The following SLC12A8 variants were observed in gnomAD, a reference collection of about 807,000 sequenced individuals.
The protein encoded by SLC12A8 is cation-chloride cotransporter 9.
Under a neutral mutation model 75.6 loss-of-function variants are expected in SLC12A8, and 69 were observed. The observed-to-expected ratio is 0.91, with a 90% confidence interval of 0.75 to 1.11. The LOEUF (loss-of-function observed/expected upper bound fraction) is 1.11. Ranked by LOEUF, SLC12A8 falls within the 50% of genes most tolerant of loss-of-function variation. The pLI, the probability that SLC12A8 is intolerant of heterozygous loss-of-function variation, is 0.00. For synonymous variants in SLC12A8, 365 were observed against 372.8 expected (o/e 0.98, Z 0.24); for missense variants, 877 against 896.7 (o/e 0.98, Z 0.28).
At chr3:125,176,985 A>G (rs1008217824) in intron 5 of SLC12A8, among the ~76,000 whole-genome samples, 1 of 151,958 alleles carries the variant, frequency 6.6e-6, no homozygotes, top group African/African-American at 2.4e-5. Flanking sequence ...GTATATACCC[A>G]AAGGATTATA....
intron 2 of SLC12A8, among the ~76,000 whole-genome samples, chr3:125,204,421 A>G (rs563181407): frequency 6.6e-6 from 1 of 152,358 alleles, no homozygotes; most frequent in African/African-American, 2.4e-5. Context: ...AAATCCTGTC[A>G]TGTGCAGCAA....
intron 3 of SLC12A8, among the ~76,000 whole-genome samples, chr3:125,188,773 C>A (rs1354176096): frequency 1.3e-5 from 2 of 152,200 alleles, no homozygotes; most frequent in African/African-American, 4.8e-5. Flanking sequence ...GTCAGTTGTA[C>A]TCTGTTCCAG....
At chr3:125,203,744 A>G (rs1002585764) in intron 2 of SLC12A8, among the ~76,000 whole-genome samples, 8 of 152,240 alleles carry the variant, frequency 5.3e-5, no homozygotes, top group Non-Finnish European at 1.5e-5. Context: ...AAATGGGGTC[A>G]TATTGATCTA....
At chr3:125,151,512 T>C (rs1477343860) in intron 5 of SLC12A8, 1 of 154,236 alleles carries the variant, frequency 6.5e-6, no homozygotes, top group Non-Finnish European at 1.5e-5. Context: ...GGGCTCATCA[T>C]GTTGTCCAGT....
At chr3:125,143,390 G>T (rs948666410) in intron 5 of SLC12A8, among the ~76,000 whole-genome samples, 1 of 152,258 alleles carries the variant, frequency 6.6e-6, no homozygotes, top group African/African-American at 2.4e-5. Flanking sequence ...AGGAAATAAT[G>T]ATAGGTTTCG....
chr3:125,178,474 C>A (rs182259618), intron 4 of SLC12A8, among the ~76,000 whole-genome samples: 1 of 152,106 alleles, frequency 6.6e-6, no homozygotes, highest in South Asian at 2.1e-4. Flanking sequence ...TCTTTTTCAA[C>A]GTCATATGTG....
chr3:125,179,515 TG>T (rs144068364), intron 4 of SLC12A8, among the ~76,000 whole-genome samples: 2 of 152,346 alleles, frequency 1.3e-5, no homozygotes, highest in African/African-American at 4.8e-5. Flanking sequence ...GAAAGGAGCT[TG>T]TGAACAAGGC....
At chr3:125,173,974 C>T (rs1012339011) in intron 5 of SLC12A8, among the ~76,000 whole-genome samples, 3 of 135,708 alleles carry the variant, frequency 2.2e-5, no homozygotes, top group Admixed American at 7.9e-5. Context: ...TGCCTGTAAT[C>T]CCAGCAACTT....
At chr3:125,115,916 G>A (rs1162293468) in intron 8 of SLC12A8, among the ~76,000 whole-genome samples, 1 of 152,164 alleles carries the variant, frequency 6.6e-6, no homozygotes, top group Non-Finnish European at 1.5e-5. Flanking sequence ...GGAAGCTGAG[G>A]TGAACAGGTT....
rs770799482 is a variant in SLC12A8 at position 125,118,775 on chromosome 3, C to T, written c.906G>A (p.Ala302=). 22 of 1,612,860 alleles carry T rather than the reference C, an allele frequency of 1.4e-5. No homozygotes were observed. Among genetic ancestry groups the T allele is most frequent in the Admixed American group, 5.0e-5 (3 of 59,956 alleles). The change falls in exon 8 of 14, where the codon GCG becomes GCA. Residue 302 remains alanine, a synonymous_variant. Coordinates refer to ENST00000469902, the MANE Select transcript of SLC12A8 (RefSeq NM_024628.6). ...REALRYDFLI[A]EKVSLMGFLF... ...TAGCGCAGGCCTCACTCACCTTTTCCGCTATCAGGAAGTCATAGCGAAGGG... is the reference window on the plus strand; with the variant it reads ...TAGCGCAGGCCTCACTCACCTTTTCTGCTATCAGGAAGTCATAGCGAAGGG...
chr3:125,162,312 A>C (rs484728), intron 5 of SLC12A8, among the ~76,000 whole-genome samples: 125,936 of 152,228 alleles, frequency 0.83, 52,184 homozygotes, highest in African/African-American at 0.85. Context: ...GTTGACTGAG[A>C]TAGATTCCAG....
At chr3:125,143,734 A>G (rs1933703637) in intron 5 of SLC12A8, among the ~76,000 whole-genome samples, 1 of 152,184 alleles carries the variant, frequency 6.6e-6, no homozygotes, top group South Asian at 2.1e-4. Context: ...CTGTTGTGAA[A>G]CAGTGGGAAG....
intron 2 of SLC12A8, among the ~76,000 whole-genome samples, chr3:125,202,035 G>A (rs1935131457): frequency 6.6e-6 from 1 of 152,134 alleles, no homozygotes; most frequent in African/African-American, 2.4e-5. Flanking sequence ...AGCCTCCTGA[G>A]TAGCTGGGAT....
intron 6 of SLC12A8, among the ~76,000 whole-genome samples, chr3:125,134,310 A>T (rs942340926): frequency 6.6e-6 from 1 of 151,848 alleles, no homozygotes; most frequent in Non-Finnish European, 1.5e-5. Flanking sequence ...GGGTTTCACC[A>T]TGTTGTCCAG....
chr3:125,110,432 C>A, intron 8 of SLC12A8, 97 bp from the exon 9 acceptor site: 1 of 1,234,932 alleles, frequency 8.1e-7, no homozygotes, highest in East Asian at 2.4e-5. Context: ...TGCAATCATC[C>A]ACTGAGTCGT....
chr3:125,202,526 AT>A (rs752697696), intron 2 of SLC12A8, among the ~76,000 whole-genome samples: 1 of 152,080 alleles, frequency 6.6e-6, no homozygotes, highest in African/African-American at 2.4e-5. Context: ...CAAATGCAGT[AT>A]TTTGTCTATA....
intron 5 of SLC12A8, among the ~76,000 whole-genome samples, chr3:125,170,962 C>T (rs1934396114): frequency 6.6e-6 from 1 of 152,056 alleles, no homozygotes; most frequent in East Asian, 1.9e-4. Context: ...AAGCTATGTG[C>T]CGATCTCCCT....
chr3:125,133,694 G>C (rs1325617104), intron 6 of SLC12A8, among the ~76,000 whole-genome samples: 1 of 152,058 alleles, frequency 6.6e-6, no homozygotes, highest in Non-Finnish European at 1.5e-5. Context: ...CCAAAGTTCT[G>C]AGATTGTAGG....
intron 4 of SLC12A8, among the ~76,000 whole-genome samples, chr3:125,182,028 A>C (rs1005504880): frequency 2.0e-5 from 3 of 152,162 alleles, no homozygotes; most frequent in African/African-American, 7.2e-5. Context: ...CTCTACAAAA[A>C]AATACAAGGC....
Sources: allele counts gnomAD v4.1 joint callset (sites outside exome capture counted in the v4.1 genomes callset), GRCh38; gene constraint gnomAD v4.1.1; transcripts MANE v1.5; gene names NCBI Gene and HGNC (gene_info 2026-07-23, HGNC 2026-07-21).